The following TMPRSS11F variants were observed in gnomAD, a reference collection of about 807,000 sequenced individuals.
TMPRSS11F encodes the protein transmembrane serine protease 11F, also known as transmembrane protease serine 11F.
TMPRSS11F carries 47 observed loss-of-function variants against 60.2 expected under a neutral mutation model. The observed-to-expected ratio is 0.78, with a 90% confidence interval of 0.62 to 1.00. The LOEUF (loss-of-function observed/expected upper bound fraction) is 1.00. Among genes scored for constraint, TMPRSS11F ranks in the 50% least tolerant of loss-of-function variants. The pLI, the probability that TMPRSS11F is intolerant of heterozygous loss-of-function variation, is 0.00. For synonymous variants in TMPRSS11F, 166 were observed against 167.3 expected, an observed-to-expected ratio of 0.99 and a Z score of 0.06; for missense variants, 519 against 522.9, an observed-to-expected ratio of 0.99 and a Z score of 0.07.
chr4:68,090,396 G>A (rs1723899887), intron 3 of TMPRSS11F, 127 bp downstream of exon 3: 6 of 1,349,246 alleles, frequency 4.4e-6, no homozygotes, highest in Non-Finnish European at 5.8e-6. Context: ...ACAACTGTAT[G>A]ACTTACATAC....
intron 3 of TMPRSS11F, among the ~76,000 whole-genome samples, chr4:68,079,421 A>G (rs888937506): frequency 2.0e-5 from 3 of 152,102 alleles, no homozygotes; most frequent in African/African-American, 7.2e-5. Context: ...GGTGAAAGAA[A>G]CCCTTAAAGA....
intron 7 of TMPRSS11F, among the ~76,000 whole-genome samples, chr4:68,065,224 T>C (rs1723300752): frequency 6.6e-6 from 1 of 152,228 alleles, no homozygotes; most frequent in Admixed American, 6.5e-5. Context: ...AACTGTGTAG[T>C]AATTAATTTT....
At chr4:68,072,213 A>ATC (rs1723482125) in intron 5 of TMPRSS11F, 110 bp downstream of exon 5, 2 of 132,520 alleles carry the variant, frequency 1.5e-5, no homozygotes, top group Non-Finnish European at 2.9e-5. Context: ...ATATATATAT[A>ATC]TATCTTCCAA....
chr4:68,091,777 CTCTCTCTATCTATCTA>C (rs1279440275), intron 2 of TMPRSS11F, among the ~76,000 whole-genome samples: 8 of 113,820 alleles, frequency 7.0e-5, no homozygotes, highest in South Asian at 3.0e-4. Context: ...CTCTCTCTCT[CTCTCTCTATCTATCTA>C]TCTATCTTTT....
chr4:68,121,994 A>T (rs943648631), intron 1 of TMPRSS11F, among the ~76,000 whole-genome samples: 1 of 152,082 alleles, frequency 6.6e-6, no homozygotes, highest in Non-Finnish European at 1.5e-5. Context: ...CCCAAATGCT[A>T]TTTCTTAAGA....
chr4:68,074,273 T>C (rs1362753940), intron 3 of TMPRSS11F, among the ~76,000 whole-genome samples: 1 of 152,248 alleles, frequency 6.6e-6, no homozygotes, highest in Non-Finnish European at 1.5e-5. Flanking sequence ...GCTAAGCCTC[T>C]GTAAAATGGG....
intron 5 of TMPRSS11F, among the ~76,000 whole-genome samples, chr4:68,070,930 T>C (rs1723447983): frequency 1.3e-5 from 2 of 152,224 alleles, no homozygotes; most frequent in Non-Finnish European, 2.9e-5. Context: ...ATCTTCATTA[T>C]TGAGCATGGT....
chr4:68,105,677 C>T (rs867966912), intron 1 of TMPRSS11F, among the ~76,000 whole-genome samples: 1 of 152,120 alleles, frequency 6.6e-6, no homozygotes, highest in East Asian at 1.9e-4. Flanking sequence ...GATGACCTGA[C>T]AGTTTATAGT....
At chr4:68,114,057 C>A (rs946668377) in intron 1 of TMPRSS11F, among the ~76,000 whole-genome samples, 5 of 151,752 alleles carry the variant, frequency 3.3e-5, no homozygotes, top group Non-Finnish European at 7.4e-5. Context: ...TACAAAAAAA[C>A]TTAAAAAATA....
intron 1 of TMPRSS11F, among the ~76,000 whole-genome samples, chr4:68,122,072 A>C (rs1724635242): frequency 6.6e-6 from 1 of 152,190 alleles, no homozygotes; most frequent in African/African-American, 2.4e-5. Flanking sequence ...TGATTCATTA[A>C]GACCTAATTA....
chr4:68,076,071 C>T (rs925573862), intron 3 of TMPRSS11F, among the ~76,000 whole-genome samples: 6 of 151,938 alleles, frequency 3.9e-5, no homozygotes, highest in African/African-American at 1.4e-4. Flanking sequence ...AATTATGTTA[C>T]AGTTAACAGA....
chr4:68,099,999 A>G (rs913407512), intron 1 of TMPRSS11F, among the ~76,000 whole-genome samples: 1 of 151,654 alleles, frequency 6.6e-6, no homozygotes, highest in Admixed American at 6.6e-5. Context: ...TTTTATTAAG[A>G]AAGTGACATG....
At chr4:68,063,032 G>T (rs764208626) in intron 8 of TMPRSS11F, 1 of 668,640 alleles carries the variant, frequency 1.5e-6, no homozygotes, top group Admixed American at 1.8e-5. Flanking sequence ...GCTCATTTGG[G>T]AGTCACAGAC....
intron 7 of TMPRSS11F, 79 bp downstream of exon 7, chr4:68,068,539 C>G (rs1234380252): frequency 4.0e-6 from 5 of 1,254,182 alleles, no homozygotes; most frequent in Non-Finnish European, 5.8e-6. Context: ...ACTGGAGAGA[C>G]TGGACTCTTC....
At chr4:68,074,652 G>C (rs1199826603) in intron 3 of TMPRSS11F, among the ~76,000 whole-genome samples, 2 of 152,144 alleles carry the variant, frequency 1.3e-5, no homozygotes, top group Non-Finnish European at 2.9e-5. Context: ...CTATGCTTGG[G>C]AATAAGTTTC....
chr4:68,094,804 A>G (rs6812942), intron 2 of TMPRSS11F, among the ~76,000 whole-genome samples: 58,512 of 151,714 alleles, frequency 0.39, 12,943 homozygotes, highest in Non-Finnish European at 0.52. Context: ...TTTTGTTAAA[A>G]CATAATTCTA....
chr4:68,067,318 T>C (rs1723350440), intron 7 of TMPRSS11F, among the ~76,000 whole-genome samples: 1 of 152,216 alleles, frequency 6.6e-6, no homozygotes. Context: ...TAGAAAAACT[T>C]CTTTTATCAA....
rs367983349 is a variant in TMPRSS11F at position 68,098,903 on chromosome 4, A to C, written c.147T>G (p.Thr49=). The C allele has an allele frequency of 8.7e-6, 14 of 1,611,572 alleles. No individual in the cohort carries two copies. Among genetic ancestry groups the C allele is most frequent in the Non-Finnish European group, 1.2e-5 (14 of 1,178,910 alleles). ...GATACTTACCCTCAACAACAAAATG[A>C]GTAACAATACCAATTGCAATTCCTA... is the stretch of plus-strand genomic sequence containing the variant. ...AIIGIAIGIV[T]HFVVEDDKSF... is the part of the protein sequence containing the mutation. The change falls in exon 2 of 10, where the codon ACT becomes ACG. Residue 49 remains threonine (T), a synonymous_variant. Coordinates refer to ENST00000356291, the MANE Select transcript of TMPRSS11F (RefSeq NM_207407.2).
rs1205562155 is a variant in TMPRSS11F, at chr4:68,081,696, AT to A, written c.283-7688del. 1.3e-4 allele frequency among the ~76,000 whole-genome samples: 19 copies of A among 151,988 alleles called. 1 individual carries two copies. The highest frequency in any genetic ancestry group is 1.1e-3 in the Admixed American group (17 of 15,252). On this transcript the variant is annotated intron_variant, in intron 3 of 9. Transcript: ENST00000356291. The stretch of plus-strand genomic sequence containing the variant: ...TCTTGTTTTAATTACCAGACTAGTC[AT>A]TTTTTTTAACTTTGGCAAAAACGAT...
Sources: allele counts gnomAD v4.1 joint callset (sites outside exome capture counted in the v4.1 genomes callset), GRCh38; gene constraint gnomAD v4.1.1; transcripts MANE v1.5; gene names NCBI Gene and HGNC (gene_info 2026-07-23, HGNC 2026-07-21).